The following TG variants were observed in gnomAD, a reference collection of about 807,000 sequenced individuals.
The protein encoded by TG is thyroglobulin, also known as thyroid hormones.
Under a neutral mutation model 324.7 loss-of-function variants are expected in TG, and 270 were observed. The observed-to-expected ratio is 0.83, with a 90% CI of 0.75 to 0.92. The LOEUF is 0.92. Ranked by LOEUF, TG falls within the 40% of genes least tolerant of loss-of-function variation. The pLI is 0.00. For missense variants in TG, 3,591 were observed against 3,456.4 expected, an observed-to-expected ratio of 1.04 and a Z score of -0.98; for synonymous variants, 1,401 against 1,327.0, an observed-to-expected ratio of 1.06 and a Z score of -1.21.
intron 33 of TG, 68 bp downstream of exon 33, chr8:132,971,941 C>T: frequency 1.8e-6 from 2 of 1,117,068 alleles, no homozygotes; most frequent in Non-Finnish European, 2.7e-6. Context: ...ACATTCACAT[C>T]TATGCTTTTA....
intron 45 of TG, among the ~76,000 whole-genome samples, chr8:133,121,260 G>A (rs1318789131): frequency 6.6e-6 from 1 of 152,160 alleles, no homozygotes; most frequent in Non-Finnish European, 1.5e-5. Flanking sequence ...AGTGGGAGTA[G>A]GGAGGCCGGA....
intron 43 of TG, among the ~76,000 whole-genome samples, chr8:133,110,696 C>T (rs765967815): frequency 3.9e-5 from 6 of 152,278 alleles, no homozygotes; most frequent in African/African-American, 7.2e-5. Context: ...CTCAAAACAA[C>T]GCTGTGAAAT....
intron 35 of TG, among the ~76,000 whole-genome samples, chr8:133,008,186 T>C (rs1299251003): frequency 6.6e-6 from 1 of 152,212 alleles, no homozygotes; most frequent in Non-Finnish European, 1.5e-5. Context: ...AGTAACCCAA[T>C]GAAGCTTTCT....
At position 133,011,918 on chromosome 8, in the gene TG, C is replaced by A; in HGVS notation, c.6280C>A (p.Gln2094Lys). ...TCTCCTAGTGTCTCTGGACTCGTGGCAGTCCCTGGCCCTCTCTTCAGTGGT... is the reference window on the plus strand; with the variant it reads ...TCTCCTAGTGTCTCTGGACTCGTGGAAGTCCCTGGCCCTCTCTTCAGTGGT... ...LTEKVSLDSW[Q>K]SLALSSVVVD... is the part of the protein sequence containing the mutation. The change falls in exon 36 of 48, where the codon CAG (glutamine) becomes AAG (lysine). Residue 2094 changes from glutamine (Q) to lysine (K), a missense_variant. Coordinates refer to ENST00000220616, the MANE Select transcript of TG (RefSeq NM_003235.5). The A allele has an allele frequency of 6.2e-7, 1 of 1,614,186 alleles. No homozygotes were observed. Among genetic ancestry groups the A allele is most frequent in the Non-Finnish European group, 8.5e-7 (1 of 1,180,032 alleles).
intron 44 of TG, among the ~76,000 whole-genome samples, chr8:133,116,335 T>C (rs1850680437): frequency 6.6e-6 from 1 of 152,268 alleles, no homozygotes; most frequent in African/African-American, 2.4e-5. Flanking sequence ...CACAGGTTTT[T>C]TGATGCCTAA....
chr8:133,056,602 C>G (rs1210695762), intron 41 of TG, among the ~76,000 whole-genome samples: 1 of 152,180 alleles, frequency 6.6e-6, no homozygotes, highest in Non-Finnish European at 1.5e-5. Flanking sequence ...TGGCCTAAGG[C>G]AAGTCATTTA....
chr8:132,924,015 A>G (rs752725706), intron 22 of TG, among the ~76,000 whole-genome samples: 14 of 152,128 alleles, frequency 9.2e-5, no homozygotes, highest in Non-Finnish European at 1.5e-4. Flanking sequence ...TCTATTGTGC[A>G]TTTTATTTCT....
chr8:132,918,057 C>T (rs571981329), intron 20 of TG, among the ~76,000 whole-genome samples: 1 of 151,936 alleles, frequency 6.6e-6, no homozygotes, highest in Non-Finnish European at 1.5e-5. Context: ...CCCCTTCTCC[C>T]GAGGGAAGGT....
intron 35 of TG, among the ~76,000 whole-genome samples, chr8:132,998,355 A>G (rs1242677038): frequency 6.6e-6 from 1 of 152,184 alleles, no homozygotes; most frequent in African/African-American, 2.4e-5. Flanking sequence ...AAGGGGTGGA[A>G]GAGAGGGGAC....
At chr8:132,966,904 C>T (rs1477561957) in intron 30 of TG, among the ~76,000 whole-genome samples, 1 of 152,194 alleles carries the variant, frequency 6.6e-6, no homozygotes, top group Non-Finnish European at 1.5e-5. Context: ...GCTTCCATAA[C>T]CTATCTTCAT....
At chr8:133,125,837 G>C (rs1851476232) in intron 45 of TG, among the ~76,000 whole-genome samples, 1 of 152,216 alleles carries the variant, frequency 6.6e-6, no homozygotes, top group South Asian at 2.1e-4. Context: ...AGTTCACATA[G>C]GAGTTTGTAA....
chr8:132,906,707 A>T lies in TG; in HGVS notation c.3654A>T (p.Pro1218=), dbSNP rs376095212. 6.2e-7 allele frequency: 1 copy of T among 1,614,124 alleles called. No individual in the cohort carries two copies. Among genetic ancestry groups the T allele is most frequent in the Non-Finnish European group, 8.5e-7 (1 of 1,180,030 alleles). The part of the protein sequence containing the change: ...PACESPRCPL[P]FNASEVVGGT... ...TCCCAGGCCCGCGGTGTCCGCTGCC[A>T]TTCAACGCGTCGGAGGTGGTTGGTG... Residue 1218 remains proline (P), a synonymous_variant, in exon 17 of 48, where the codon CCA becomes CCT. Coordinates refer to ENST00000220616, the MANE Select transcript of TG (RefSeq NM_003235.5).
intron 40 of TG, among the ~76,000 whole-genome samples, chr8:133,022,530 A>G (rs1295733472): frequency 6.6e-6 from 1 of 152,170 alleles, no homozygotes; most frequent in Non-Finnish European, 1.5e-5. Flanking sequence ...GAACAACCCC[A>G]GGGGATGAGT....
intron 16 of TG, among the ~76,000 whole-genome samples, chr8:132,906,136 G>T (rs552882924): frequency 2.6e-5 from 4 of 152,332 alleles, no homozygotes; most frequent in African/African-American, 7.2e-5. Context: ...AAGAGCATTT[G>T]CTGGCAGTTC....
intron 43 of TG, among the ~76,000 whole-genome samples, chr8:133,104,479 T>TA (rs1849618385): frequency 6.6e-6 from 1 of 152,126 alleles, no homozygotes; most frequent in East Asian, 1.9e-4. Flanking sequence ...ATGGTCACAG[T>TA]AAAAAATGAT....
chr8:132,918,029 C>A (rs1449477729), intron 20 of TG, among the ~76,000 whole-genome samples: 1 of 151,762 alleles, frequency 6.6e-6, no homozygotes, highest in Non-Finnish European at 1.5e-5. Flanking sequence ...GGCAGTGGAC[C>A]CAATGGTCTT....
In TG at chr8:132,966,545, C is replaced by T. The variant is rs772876957; in HGVS notation, c.5549-15C>T. On this transcript the variant is annotated splice_polypyrimidine_tract_variant and intron_variant, in intron 29 of 47. Transcript: ENST00000220616. ...GTTAAAGGTGCAGGAAGTTGACTCC[C>T]TGCTTCTTTTTCAGGTTTGACAACA... is the stretch of plus-strand genomic sequence containing the variant. 5.6e-6 allele frequency: 9 copies of T among 1,613,996 alleles called. No individual in the cohort carries two copies. The highest frequency in any genetic ancestry group is 3.3e-5 in the Admixed American group (2 of 60,008).
intron 45 of TG, among the ~76,000 whole-genome samples, chr8:133,129,115 GA>G (rs1201083887): frequency 6.6e-6 from 1 of 152,188 alleles, no homozygotes; most frequent in Non-Finnish European, 1.5e-5. Flanking sequence ...TCCCTCTTCA[GA>G]GGCTCCACTC....
In TG at chr8:133,089,534, G is replaced by A. The variant is rs150961798; in HGVS notation, c.7240-5510G>A. On this transcript the variant is annotated intron_variant, in intron 41 of 47. Transcript: ENST00000220616. ...ACCTGCTCTGTGTCCCAGGGTTGGT[G>A]CCTTCTAAATCACATCTCTTACTTA... 3.6e-3 allele frequency among the ~76,000 whole-genome samples: 553 copies of A among 152,262 alleles called. 6 individuals carry two copies. Among genetic ancestry groups the A allele is most frequent in the African/African-American group, 0.013 (527 of 41,548 alleles).
Sources: gnomAD v4.1 joint callset for allele counts (sites outside exome capture counted in the v4.1 genomes callset) on GRCh38, gnomAD v4.1.1 for gene constraint, MANE v1.5 for transcripts, NCBI Gene and HGNC (gene_info 2026-07-23, HGNC 2026-07-21) for gene names.